GRM5: variants seen among roughly 807,000 people sequenced by gnomAD.
GRM5 encodes the protein metabotropic glutamate receptor 5.
GRM5 carries 19 observed loss-of-function variants against 83.1 expected under a neutral mutation model. The observed-to-expected ratio is 0.23, with a 90% confidence interval of 0.16 to 0.34. The LOEUF (loss-of-function observed/expected upper bound fraction) is 0.34. GRM5 is among the 10% of genes least tolerant of loss of function. GRM5 has a pLI of 1.00. For synonymous variants in GRM5, 675 were observed against 633.6 expected, an observed-to-expected ratio of 1.07 and a Z score of -0.98; for missense variants, 1,160 against 1,588.3, an observed-to-expected ratio of 0.73 and a Z score of 4.58.
intron 2 of GRM5, among the ~76,000 whole-genome samples, chr11:88,971,786 C>T (rs184294253): frequency 2.8e-4 from 42 of 151,894 alleles, no homozygotes; most frequent in Non-Finnish European, 2.9e-5. Context: ...GTAATTACAC[C>T]GCAGTTATGA....
rs958705365 is a variant in GRM5 at position 88,993,224 on chromosome 11, C to G, written c.661+53988G>C. Among the ~76,000 whole-genome samples, 3 of 142,548 alleles carry G rather than the reference C, an allele frequency of 2.1e-5. No individual in the cohort carries two copies. In the Admixed American group the frequency reaches 2.2e-4, roughly 10 times the overall value. 93.5% of individuals were successfully genotyped at this position (142,548 alleles called of 152,430 possible). A position where few individuals can be genotyped will look rare whatever the true frequency, so the allele number is the denominator to read the frequency against. On this transcript the variant is annotated intron_variant, in intron 2 of 9. Coordinates refer to ENST00000305447, the MANE Select transcript of GRM5 (RefSeq NM_001143831.3). Reference sequence around the variant, plus strand: ...GAGCTTGCAGTGAGCCGAGATTGTGCCACTGCACTCCAGCCTGGAGGACAG... The same window carrying G: ...GAGCTTGCAGTGAGCCGAGATTGTGGCACTGCACTCCAGCCTGGAGGACAG...
intron 3 of GRM5, among the ~76,000 whole-genome samples, chr11:88,702,730 G>A (rs987968861): frequency 1.3e-5 from 2 of 152,030 alleles, no homozygotes; most frequent in African/African-American, 4.8e-5. Context: ...AGGTGATTAA[G>A]TTGAAATGAG....
chr11:88,654,566 A>C (rs1276739767), intron 3 of GRM5, among the ~76,000 whole-genome samples: 1 of 152,094 alleles, frequency 6.6e-6, no homozygotes. Flanking sequence ...AGAGAGATTT[A>C]AGGGGAAGAA....
At chr11:88,838,166 TACTC>T (rs915566813) in intron 3 of GRM5, among the ~76,000 whole-genome samples, 6 of 150,988 alleles carry the variant, frequency 4.0e-5, no homozygotes, top group Non-Finnish European at 7.4e-5. Flanking sequence ...AGGTTAATAT[TACTC>T]ACTTCAGAAG....
intron 2 of GRM5, chr11:88,911,977 T>C (rs1469650496): frequency 6.4e-6 from 3 of 465,456 alleles, no homozygotes; most frequent in South Asian, 1.6e-5. Flanking sequence ...TGTCTTAATA[T>C]ACAACCAGTA....
chr11:88,843,606 C>A (rs181882884), intron 3 of GRM5, among the ~76,000 whole-genome samples: 20 of 152,084 alleles, frequency 1.3e-4, no homozygotes, highest in Non-Finnish European at 2.2e-4. Context: ...CCTACAATGG[C>A]TAAATGCTCA....
chr11:88,985,957 C>T (rs1425227089), intron 2 of GRM5, among the ~76,000 whole-genome samples: 2 of 152,118 alleles, frequency 1.3e-5, no homozygotes, highest in Non-Finnish European at 2.9e-5. Context: ...TTGGCAGTTT[C>T]TTAACAATAA....
intron 7 of GRM5, among the ~76,000 whole-genome samples, chr11:88,587,823 T>A (rs1943349130): frequency 6.6e-6 from 1 of 152,140 alleles, no homozygotes; most frequent in East Asian, 1.9e-4. Context: ...AATCCAATCA[T>A]ACTCCTCAAT....
In GRM5 at chr11:88,977,775, C is replaced by G. The variant is rs374032544; in HGVS notation, c.661+69437G>C. 3.5e-4 allele frequency among the ~76,000 whole-genome samples: 54 copies of G among 152,312 alleles called. No individual in the cohort carries two copies. The South Asian group carries it at 0.01, about 29-fold the overall frequency. On this transcript the variant is annotated intron_variant, in intron 2 of 9. Coordinates refer to ENST00000305447, the MANE Select transcript of GRM5 (RefSeq NM_001143831.3). The stretch of plus-strand genomic sequence containing the variant: ...AAGCCACTTGCTATAGAGGGAAAGA[C>G]AGATGCAACATGCATAGAATTACCT...
At chr11:88,714,822 G>A (rs540763706) in intron 3 of GRM5, among the ~76,000 whole-genome samples, 30 of 152,002 alleles carry the variant, frequency 2.0e-4, no homozygotes, top group African/African-American at 7.0e-4. Context: ...ACAAGTCAAC[G>A]TGAAAAATCC....
chr11:88,749,309 T>C (rs1437444370), intron 3 of GRM5, among the ~76,000 whole-genome samples: 2 of 152,158 alleles, frequency 1.3e-5, no homozygotes, highest in South Asian at 2.1e-4. Flanking sequence ...CAAGTATCAA[T>C]AGCAAAATAG....
At chr11:88,922,547 C>G (rs1945711399) in intron 2 of GRM5, among the ~76,000 whole-genome samples, 1 of 152,120 alleles carries the variant, frequency 6.6e-6, no homozygotes, top group Admixed American at 6.6e-5. Context: ...TAAAACTATA[C>G]TCTTTTCTTG....
At chr11:88,648,186 A>G (rs550246789) in intron 4 of GRM5, among the ~76,000 whole-genome samples, 1 of 152,132 alleles carries the variant, frequency 6.6e-6, no homozygotes, top group South Asian at 2.1e-4. Flanking sequence ...TCTTGCTGCT[A>G]TAAAGACACA....
intron 3 of GRM5, among the ~76,000 whole-genome samples, chr11:88,671,959 C>T (rs1427434738): frequency 6.6e-6 from 1 of 151,922 alleles, no homozygotes; most frequent in Non-Finnish European, 1.5e-5. Context: ...TTTATTTAAA[C>T]AGAAAACTTA....
At chr11:88,798,436 T>A (rs925758731) in intron 3 of GRM5, among the ~76,000 whole-genome samples, 1 of 152,114 alleles carries the variant, frequency 6.6e-6, no homozygotes, top group African/African-American at 2.4e-5. Flanking sequence ...TTTTGTAGAA[T>A]GAATAAATGG....
chr11:88,629,999 G>C (rs1468830644), intron 4 of GRM5, among the ~76,000 whole-genome samples: 1 of 152,092 alleles, frequency 6.6e-6, no homozygotes, highest in Non-Finnish European at 1.5e-5. Flanking sequence ...TCTCCCATCT[G>C]TTTCCTTACC....
chr11:88,682,406 C>T (rs1223586879), intron 3 of GRM5, among the ~76,000 whole-genome samples: 1 of 151,798 alleles, frequency 6.6e-6, no homozygotes, highest in African/African-American at 2.4e-5. Context: ...GCTGAGCTTA[C>T]AATTCAAACC....
intron 3 of GRM5, among the ~76,000 whole-genome samples, chr11:88,778,439 C>T (rs974783321): frequency 1.3e-5 from 2 of 152,212 alleles, no homozygotes; most frequent in Non-Finnish European, 2.9e-5. Flanking sequence ...CCTGCTTTGG[C>T]TCACCCTCTG....
At chr11:88,570,189 G>C (rs1942958025) in intron 7 of GRM5, among the ~76,000 whole-genome samples, 1 of 152,082 alleles carries the variant, frequency 6.6e-6, no homozygotes, top group African/African-American at 2.4e-5. Context: ...GGAGTTATGA[G>C]CTAGCCTGGG....
Sources: allele counts gnomAD v4.1 joint callset (sites outside exome capture counted in the v4.1 genomes callset), GRCh38; gene constraint gnomAD v4.1.1; transcripts MANE v1.5; gene names NCBI Gene and HGNC (gene_info 2026-07-23, HGNC 2026-07-21).